Variants in KIAA1549L observed in about 807,000 individuals in gnomAD.
KIAA1549L encodes UPF0606 protein KIAA1549L.
KIAA1549L carries 88 observed loss-of-function variants against 160.7 expected under a neutral mutation model. The ratio of observed to expected loss-of-function variants is 0.55; its 90% CI spans 0.46 to 0.65. KIAA1549L has a LOEUF of 0.65. Ranked by LOEUF, KIAA1549L falls within the 30% of genes least tolerant of loss-of-function variation. The pLI, the probability that KIAA1549L is intolerant of heterozygous loss-of-function variation, is 0.00. For missense variants in KIAA1549L, 2,258 were observed against 2,437.5 expected (o/e 0.93, Z 1.55); for synonymous variants, 950 against 976.7 (o/e 0.97, Z 0.51).
chr11:33,415,275 A>G (rs1052003606), intron 1 of KIAA1549L, among the ~76,000 whole-genome samples: 5 of 152,162 alleles, frequency 3.3e-5, no homozygotes. Flanking sequence ...GGTATTTGAC[A>G]GTGGATTGCA....
chr11:33,419,905 C>T (rs200634159), intron 1 of KIAA1549L, among the ~76,000 whole-genome samples: 6 of 53,518 alleles, frequency 1.1e-4, no homozygotes, highest in Admixed American at 2.2e-4. Flanking sequence ...TACATACATA[C>T]ATATATATAT....
At chr11:33,494,472 T>C (rs1852768800) in intron 1 of KIAA1549L, among the ~76,000 whole-genome samples, 1 of 152,214 alleles carries the variant, frequency 6.6e-6, no homozygotes, top group African/African-American at 2.4e-5. Context: ...TTTTCTTCTC[T>C]AGACCTGCTA....
intron 1 of KIAA1549L, among the ~76,000 whole-genome samples, chr11:33,444,288 T>C (rs1851566519): frequency 6.6e-6 from 1 of 151,880 alleles, no homozygotes; most frequent in African/African-American, 2.4e-5. Flanking sequence ...AGAAGACTGA[T>C]TAATTATGTT....
In KIAA1549L at chr11:33,435,836, A is replaced by ATATATATATG. The variant is rs1565136050; in HGVS notation, c.238+58948_238+58949insATATATATGT. On this transcript the variant is annotated intron_variant, in intron 1 of 20. Coordinates refer to ENST00000658780, the MANE Select transcript of KIAA1549L (RefSeq NM_012194.3). ...TGTGTGTGTATATATATATATGTAT[A>ATATATATATG]TGTATATGTGTGTGTGTGTGTGTGT... Among the ~76,000 whole-genome samples the ATATATATATG allele has an allele frequency of 4.7e-4, 31 of 65,996 alleles. 7 individuals carry two copies. The highest frequency in any genetic ancestry group is 2.4e-3 in the African/African-American group (31 of 13,030). The allele number at this position is 65,996 out of a possible 152,430, so 43.3% of individuals were successfully genotyped here.
chr11:33,405,821 A>T (rs1850636004), intron 1 of KIAA1549L, among the ~76,000 whole-genome samples: 2 of 128,338 alleles, frequency 1.6e-5, no homozygotes, highest in South Asian at 2.9e-4. Flanking sequence ...CAGCCTGGGC[A>T]ACAGAGCCAG....
chr11:33,662,477 G>A (rs1052368965), intron 20 of KIAA1549L, among the ~76,000 whole-genome samples: 12 of 152,062 alleles, frequency 7.9e-5, no homozygotes, highest in African/African-American at 2.9e-4. Flanking sequence ...GTATTGTTTG[G>A]GGGCCTTTTT....
intron 1 of KIAA1549L, among the ~76,000 whole-genome samples, chr11:33,475,471 C>T (rs775969227): frequency 1.2e-4 from 18 of 151,604 alleles, no homozygotes; most frequent in African/African-American, 2.9e-4. Context: ...GTGGGAGGAT[C>T]GTTTGAGCCC....
At chr11:33,447,609 A>G (rs1409598465) in intron 1 of KIAA1549L, among the ~76,000 whole-genome samples, 1 of 134,370 alleles carries the variant, frequency 7.4e-6, no homozygotes, top group Non-Finnish European at 1.6e-5. Context: ...CATTGTATAC[A>G]TGCACATGAA....
At chr11:33,381,287 C>G (rs1159186585) in intron 1 of KIAA1549L, among the ~76,000 whole-genome samples, 2 of 152,100 alleles carry the variant, frequency 1.3e-5, no homozygotes, top group African/African-American at 2.4e-5. Flanking sequence ...CAAAATAAAT[C>G]AGGGTAGGGG....
chr11:33,589,168 C>T (rs1849969591), intron 11 of KIAA1549L, among the ~76,000 whole-genome samples: 1 of 152,178 alleles, frequency 6.6e-6, no homozygotes, highest in Non-Finnish European at 1.5e-5. Context: ...AAATGCTCAT[C>T]ATCACTGGCC....
intron 16 of KIAA1549L, among the ~76,000 whole-genome samples, chr11:33,642,022 T>C (rs1012520814): frequency 5.3e-5 from 8 of 152,124 alleles, no homozygotes; most frequent in East Asian, 1.9e-4. Flanking sequence ...GACAAACTTA[T>C]CACTACTCAA....
At chr11:33,512,594 T>C (rs1389011601) in intron 1 of KIAA1549L, among the ~76,000 whole-genome samples, 2 of 152,122 alleles carry the variant, frequency 1.3e-5, no homozygotes, top group Non-Finnish European at 2.9e-5. Flanking sequence ...AGATAACTTT[T>C]ATATTTTTTG....
At chr11:33,379,850 G>A (rs1163831609) in intron 1 of KIAA1549L, among the ~76,000 whole-genome samples, 1 of 152,222 alleles carries the variant, frequency 6.6e-6, no homozygotes, top group African/African-American at 2.4e-5. Flanking sequence ...CAGAAACGAT[G>A]GAATGTTTAC....
chr11:33,444,896 A>G (rs1320130444), intron 1 of KIAA1549L, among the ~76,000 whole-genome samples: 1 of 152,196 alleles, frequency 6.6e-6, no homozygotes, highest in Non-Finnish European at 1.5e-5. Flanking sequence ...ACTGCTTTAT[A>G]GCTCTCTGTA....
intron 1 of KIAA1549L, among the ~76,000 whole-genome samples, chr11:33,447,433 C>G (rs1478850425): frequency 6.6e-6 from 1 of 151,888 alleles, no homozygotes; most frequent in Non-Finnish European, 1.5e-5. Flanking sequence ...CTCTAAAAAA[C>G]CTTTGTAATA....
intron 15 of KIAA1549L, among the ~76,000 whole-genome samples, chr11:33,611,047 A>G (rs915896983): frequency 1.3e-5 from 2 of 152,214 alleles, no homozygotes; most frequent in African/African-American, 4.8e-5. Context: ...TTGGAGGGGA[A>G]AAACATTCAA....
At chr11:33,548,727 A>G (rs1466546689) in intron 4 of KIAA1549L, among the ~76,000 whole-genome samples, 1 of 152,130 alleles carries the variant, frequency 6.6e-6, no homozygotes, top group African/African-American at 2.4e-5. Flanking sequence ...TTCACTTTAC[A>G]TCTTTGGGTT....
chr11:33,452,574 C>T (rs372396033), intron 1 of KIAA1549L, among the ~76,000 whole-genome samples: 12 of 152,246 alleles, frequency 7.9e-5, no homozygotes, highest in East Asian at 3.9e-4. Context: ...CACCACTGCA[C>T]GCCAGCCTGG....
Position 33,508,138 on chromosome 11 carries a change from C to T in KIAA1549L, c.239-33664C>T, listed in dbSNP as rs952515382. On this transcript the variant is annotated intron_variant, in intron 1 of 20. Transcript: ENST00000658780. ...GACTTAGCTCTCAATCAAGATCTTG[C>T]GCAATGCATCTGCTCCAGGGAACCT... Among the ~76,000 whole-genome samples the T allele has an allele frequency of 5.3e-5, 8 of 152,176 alleles. No individual in the cohort carries two copies. In the South Asian group the frequency reaches 8.3e-4, roughly 16 times the overall value.
Sources: gnomAD v4.1 joint callset for allele counts (sites outside exome capture counted in the v4.1 genomes callset) on GRCh38, gnomAD v4.1.1 for gene constraint, MANE v1.5 for transcripts, NCBI Gene and HGNC (gene_info 2026-07-23, HGNC 2026-07-21) for gene names.